FCHSD2: variants seen among roughly 807,000 people sequenced by gnomAD.
FCHSD2 encodes F-BAR and double SH3 domains protein 2.
FCHSD2 carries 38 observed loss-of-function variants against 108.1 expected under a neutral mutation model. The observed-to-expected ratio is 0.35, with a 90% CI of 0.27 to 0.46. The LOEUF is 0.46. FCHSD2 is among the 20% of genes least tolerant of loss of function. FCHSD2 has a pLI of 1.00. For missense variants in FCHSD2, 751 were observed against 897.8 expected (o/e 0.84, Z 2.09); for synonymous variants, 279 against 314.7 (o/e 0.89, Z 1.20).
At chr11:73,006,656 C>T (rs368273321) in intron 4 of FCHSD2, among the ~76,000 whole-genome samples, 4 of 152,248 alleles carry the variant, frequency 2.6e-5, no homozygotes, top group African/African-American at 4.8e-5. Context: ...GCAATTGCTG[C>T]GCAATCACTT....
At chr11:72,877,231 C>T (rs979803560) in intron 12 of FCHSD2, among the ~76,000 whole-genome samples, 8 of 152,074 alleles carry the variant, frequency 5.3e-5, no homozygotes, top group African/African-American at 1.9e-4. Context: ...CTGTGATAAG[C>T]AACAGCTAAA....
chr11:72,881,925 A>G (rs543736937), intron 12 of FCHSD2, among the ~76,000 whole-genome samples: 9 of 152,230 alleles, frequency 5.9e-5, no homozygotes, highest in African/African-American at 2.2e-4. Flanking sequence ...GCGAATCATG[A>G]GGTCAGGAGA....
intron 13 of FCHSD2, among the ~76,000 whole-genome samples, chr11:72,858,943 C>A (rs926376381): frequency 1.3e-5 from 2 of 152,092 alleles, no homozygotes; most frequent in African/African-American, 2.4e-5. Flanking sequence ...GGACAGTGAT[C>A]CCTGGGGGAT....
intron 8 of FCHSD2, among the ~76,000 whole-genome samples, chr11:72,930,156 G>A (rs998623196): frequency 1.3e-5 from 2 of 152,118 alleles, no homozygotes; most frequent in Admixed American, 6.5e-5. Flanking sequence ...AAAGCACTTA[G>A]GGCATATAAT....
intron 13 of FCHSD2, among the ~76,000 whole-genome samples, chr11:72,854,118 C>G (rs936336841): frequency 2.0e-5 from 3 of 152,136 alleles, no homozygotes; most frequent in Non-Finnish European, 4.4e-5. Flanking sequence ...AACTTTTATA[C>G]ACTGCTGGTA....
In FCHSD2 at chr11:72,842,626, T is replaced by C. The variant is rs1860997947; in HGVS notation, c.1921A>G (p.Ile641Val). 1.2e-6 allele frequency: 2 copies of C among 1,613,924 alleles called. No homozygotes were observed. The highest frequency in any genetic ancestry group is 3.3e-5 in the Admixed American group (2 of 60,006). ...ENGDTPWMRE[I>V]QISPSPKPHA... Reference sequence around the variant, plus strand: ...CTGTCTCCCCTCTCAGGTACCTGAATCTCTCTCATCCATGGAGTGTCACCA... The same window carrying C: ...CTGTCTCCCCTCTCAGGTACCTGAACCTCTCTCATCCATGGAGTGTCACCA... The change falls in exon 17 of 20, where the codon ATT becomes GTT. Residue 641 changes from isoleucine (I) to valine (V), a missense_variant. Ile to Val is a conservative substitution (Grantham distance 29). Transcript: ENST00000409418.
At position 72,838,727 on chromosome 11, in the gene FCHSD2, A is replaced by G; in HGVS notation, c.*64T>C. 11 of 1,412,786 alleles carry G rather than the reference A, an allele frequency of 7.8e-6. No individual in the cohort carries two copies. The highest frequency in any genetic ancestry group is 1.1e-5 in the Non-Finnish European group (11 of 1,021,226). The allele number at this position is 1,412,786 out of a possible 1,614,324, so 87.5% of individuals were successfully genotyped here. On this transcript the variant is annotated 3_prime_UTR_variant, in exon 20 of 20. Coordinates refer to ENST00000409418, the MANE Select transcript of FCHSD2 (RefSeq NM_014824.3). ...ATCATCATGCAAAGGTGCCTAAAAA[A>G]CAAGACTGGCCAAACTCCAAGCCTG...
At chr11:72,980,675 G>GTATATATATA (rs35298009) in intron 8 of FCHSD2, among the ~76,000 whole-genome samples, 3 of 144,072 alleles carry the variant, frequency 2.1e-5, no homozygotes, top group Non-Finnish European at 4.5e-5. Context: ...GTGTGTGTGT[G>GTATATATATA]TATATATATA....
intron 4 of FCHSD2, among the ~76,000 whole-genome samples, chr11:73,005,042 T>C (rs1427168269): frequency 6.6e-6 from 1 of 152,120 alleles, no homozygotes; most frequent in Non-Finnish European, 1.5e-5. Flanking sequence ...CTCCTCACAT[T>C]TACACTATGT....
rs558504717 is a variant in FCHSD2 at position 73,097,921 on chromosome 11, G to A, written c.120-14181C>T. Among the ~76,000 whole-genome samples, 337 of 152,176 alleles carry A rather than the reference G, an allele frequency of 2.2e-3. 1 individual carries two copies. The highest frequency in any genetic ancestry group is 7.7e-3 in the African/African-American group (320 of 41,522). ...ACTCCTGGGCTCAAGCGATCCTCCT[G>A]CCTCGGCCTCCAACTGGCTAGGACT... On this transcript the variant is annotated intron_variant, in intron 2 of 19. Transcript: ENST00000409418.
At chr11:72,990,945 CA>C (rs1285476902) in intron 5 of FCHSD2, among the ~76,000 whole-genome samples, 5 of 151,792 alleles carry the variant, frequency 3.3e-5, no homozygotes. Flanking sequence ...AAAAGATCAA[CA>C]AAATTGATAG....
intron 3 of FCHSD2, among the ~76,000 whole-genome samples, chr11:73,057,636 C>T (rs1859057971): frequency 6.6e-6 from 1 of 152,122 alleles, no homozygotes; most frequent in Non-Finnish European, 1.5e-5. Flanking sequence ...CTCCATTTCC[C>T]TTTCAACATC....
Position 73,112,263 on chromosome 11 carries a change from C to T in FCHSD2, c.119+27768G>A, listed in dbSNP as rs114472634. On this transcript the variant is annotated intron_variant, in intron 2 of 19. Transcript: ENST00000409418. ...TTGAAGGATATTTTCACCAGACATA[C>T]CACTCTAGGGTAAAAGATTTCCCCT... 9.0e-3 allele frequency among the ~76,000 whole-genome samples: 1,376 copies of T among 152,262 alleles called. 21 individuals are homozygous for T. The highest frequency in any genetic ancestry group is 0.03 in the African/African-American group (1,253 of 41,544).
At chr11:72,960,824 G>C (rs772403164) in intron 8 of FCHSD2, among the ~76,000 whole-genome samples, 4 of 152,142 alleles carry the variant, frequency 2.6e-5, no homozygotes, top group Non-Finnish European at 4.4e-5. Flanking sequence ...TACAGGTAAA[G>C]AAAGGCTTTA....
At chr11:72,977,606 A>T (rs1231273712) in intron 8 of FCHSD2, among the ~76,000 whole-genome samples, 1 of 152,260 alleles carries the variant, frequency 6.6e-6, no homozygotes, top group African/African-American at 2.4e-5. Context: ...GAATTTTAGT[A>T]TATGTGCTGC....
Position 73,118,244 on chromosome 11 carries a change from A to G in FCHSD2, c.119+21787T>C, listed in dbSNP as rs150430378. ...TGAGGCAGGAAAATTGCTTGGACTC[A>G]GCAGGCAGAGACTGCGGTGAGCCGA... On this transcript the variant is annotated intron_variant, in intron 2 of 19. Coordinates refer to ENST00000409418, the MANE Select transcript of FCHSD2 (RefSeq NM_014824.3). Among the ~76,000 whole-genome samples, 249 of 152,302 alleles carry G rather than the reference A, an allele frequency of 1.6e-3. 1 individual carries two copies. The highest frequency in any genetic ancestry group is 2.6e-3 in the Non-Finnish European group (179 of 68,016).
intron 12 of FCHSD2, among the ~76,000 whole-genome samples, chr11:72,879,973 T>TGG (rs576174262): frequency 2.1e-3 from 258 of 125,508 alleles, no homozygotes; most frequent in Non-Finnish European, 3.4e-3. Flanking sequence ...CATTCCAGCC[T>TGG]GGGCAACAAG....
At chr11:73,037,466 C>T (rs1273692421) in intron 3 of FCHSD2, among the ~76,000 whole-genome samples, 1 of 152,216 alleles carries the variant, frequency 6.6e-6, no homozygotes, top group African/African-American at 2.4e-5. Flanking sequence ...CTTCTGGCAA[C>T]TACTGATCTT....
chr11:72,938,185 T>G lies in FCHSD2; in HGVS notation c.706-16235A>C, dbSNP rs1486325098. 4.5e-3 allele frequency among the ~76,000 whole-genome samples: 672 copies of G among 149,252 alleles called. 4 individuals are homozygous for G. The highest frequency in any genetic ancestry group is 7.0e-3 in the Non-Finnish European group (469 of 67,132). Reference sequence around the variant, plus strand: ...TCCAGATTATGAAGGAGTTTTTTTTTTTTTTTTTTTTTTTTGAGACGGAGT... The same window carrying G: ...TCCAGATTATGAAGGAGTTTTTTTTGTTTTTTTTTTTTTTTGAGACGGAGT... On this transcript the variant is annotated intron_variant, in intron 8 of 19. Transcript: ENST00000409418.
Sources: allele counts gnomAD v4.1 joint callset (sites outside exome capture counted in the v4.1 genomes callset), GRCh38; gene constraint gnomAD v4.1.1; transcripts MANE v1.5; gene names NCBI Gene and HGNC (gene_info 2026-07-23, HGNC 2026-07-21).